The following ATP10B variants were observed in gnomAD, a reference collection of about 807,000 sequenced individuals.
The protein encoded by ATP10B is phospholipid-transporting ATPase VB.
Under a neutral mutation model 141.2 loss-of-function variants are expected in ATP10B, and 122 were observed. The ratio of observed to expected loss-of-function variants is 0.86; its 90% CI spans 0.75 to 1.00. The LOEUF (loss-of-function observed/expected upper bound fraction) is 1.00. ATP10B is among the 50% of genes least tolerant of loss of function. The pLI is 0.00. For synonymous variants in ATP10B, 685 were observed against 692.0 expected (o/e 0.99, Z 0.16); for missense variants, 1,876 against 1,825.3 (o/e 1.03, Z -0.51).
At chr5:160,566,216 G>T (rs183543019) in intron 25 of ATP10B, among the ~76,000 whole-genome samples, 2 of 152,156 alleles carry the variant, frequency 1.3e-5, no homozygotes, top group African/African-American at 4.8e-5. Context: ...GAAACTGAGG[G>T]ACTGAGAGAT....
At chr5:160,879,754 CG>C in the ATP10B span, among the ~76,000 whole-genome samples, 1 of 152,032 alleles carries the variant, frequency 6.6e-6, no homozygotes, top group Non-Finnish European at 1.5e-5. Context: ...AGGGGAATGG[CG>C]TGAACCCAGG....
the ATP10B span, among the ~76,000 whole-genome samples, chr5:160,901,277 C>G: frequency 6.6e-6 from 1 of 152,150 alleles, no homozygotes; most frequent in East Asian, 1.9e-4. Flanking sequence ...CCTTTAAAAT[C>G]TGTCATTGTT....
chr5:160,774,960 G>A lies in ATP10B; in HGVS notation c.-331+10599C>T, dbSNP rs143812009. ...AAGCCAGCAAATGGGGAAAAATCAT[G>A]CTGCTAGTATTTTACTTATGCCAGC... is the stretch of plus-strand genomic sequence containing the variant. On this transcript the variant is annotated intron_variant, in intron 2 of 25. Coordinates refer to ENST00000327245, the MANE Select transcript of ATP10B (RefSeq NM_025153.3). 1.3e-3 allele frequency among the ~76,000 whole-genome samples: 205 copies of A among 152,314 alleles called. 1 individual carries two copies. Among genetic ancestry groups the A allele is most frequent in the African/African-American group, 4.8e-3 (200 of 41,564 alleles).
At chr5:160,576,018 C>T (rs955656162) in intron 24 of ATP10B, among the ~76,000 whole-genome samples, 1 of 152,172 alleles carries the variant, frequency 6.6e-6, no homozygotes, top group African/African-American at 2.4e-5. Context: ...AAACAACTGG[C>T]TCAGCAACCA....
chr5:160,671,032 G>A (rs1762662132), intron 6 of ATP10B, among the ~76,000 whole-genome samples: 1 of 151,782 alleles, frequency 6.6e-6, no homozygotes, highest in Non-Finnish European at 1.5e-5. Context: ...GGGTGTGGTG[G>A]TGCGTGCCTG....
chr5:160,744,577 T>C lies in ATP10B; in HGVS notation c.-330-27543A>G, dbSNP rs560511569. ...AAATACAAGAAAATTTGGGTCTGTT[T>C]GTTCCTAACCACAACTAACAACTGG... On this transcript the variant is annotated intron_variant, in intron 2 of 25. Coordinates refer to ENST00000327245, the MANE Select transcript of ATP10B (RefSeq NM_025153.3). Among the ~76,000 whole-genome samples, 5 of 152,354 alleles carry C rather than the reference T, an allele frequency of 3.3e-5. No homozygotes were observed. The South Asian group carries it at 1.0e-3, about 32-fold the overall frequency.
At chr5:160,852,743 C>A (rs894672228), upstream of ATP10B, among the ~76,000 whole-genome samples, 1 of 152,026 alleles carries the variant, frequency 6.6e-6, no homozygotes, top group Admixed American at 6.6e-5. Flanking sequence ...TCGATTCATA[C>A]CCTAAAATGA....
At chr5:160,649,039 C>T (rs1172612463) in intron 8 of ATP10B, 132 bp downstream of exon 8, 1 of 477,888 alleles carries the variant, frequency 2.1e-6, no homozygotes. Context: ...TTTCTCTAGT[C>T]CCTCTTTATC....
chr5:160,576,785 T>C (rs1027180235), intron 24 of ATP10B, among the ~76,000 whole-genome samples: 4 of 152,154 alleles, frequency 2.6e-5, no homozygotes, highest in African/African-American at 4.8e-5. Flanking sequence ...GGTCTAAGTA[T>C]GAAGTAGGAA....
intron 16 of ATP10B, among the ~76,000 whole-genome samples, chr5:160,617,103 G>A (rs1758064752): frequency 6.6e-6 from 1 of 152,186 alleles, no homozygotes; most frequent in Admixed American, 6.5e-5. Context: ...AACCATAAAA[G>A]ACATGAAAAG....
At chr5:160,573,459 C>G (rs1256943697) in intron 24 of ATP10B, among the ~76,000 whole-genome samples, 1 of 152,182 alleles carries the variant, frequency 6.6e-6, no homozygotes, top group African/African-American at 2.4e-5. Flanking sequence ...AGAGGGGTCC[C>G]CAGCTCCTGG....
chr5:160,804,051 T>C (rs1772595746), intron 1 of ATP10B, among the ~76,000 whole-genome samples: 1 of 152,100 alleles, frequency 6.6e-6, no homozygotes, highest in African/African-American at 2.4e-5. Flanking sequence ...CAGAGCAGAT[T>C]CAGTGCAAAA....
At chr5:160,794,001 G>C (rs945149106) in intron 1 of ATP10B, among the ~76,000 whole-genome samples, 3 of 152,182 alleles carry the variant, frequency 2.0e-5, no homozygotes, top group Non-Finnish European at 4.4e-5. Flanking sequence ...AGTACACTCT[G>C]TGATGTTAGT....
chr5:160,599,015 GC>G, intron 21 of ATP10B, 45 bp from the exon 22 acceptor site: 1 of 1,592,002 alleles, frequency 6.3e-7, no homozygotes, highest in Non-Finnish European at 8.6e-7. Flanking sequence ...TCCATGTGCA[GC>G]CGGTCACCAG....
At chr5:160,732,720 T>C (rs956100891) in intron 2 of ATP10B, among the ~76,000 whole-genome samples, 1 of 152,230 alleles carries the variant, frequency 6.6e-6, no homozygotes, top group Non-Finnish European at 1.5e-5. Context: ...TATTTTGAAG[T>C]CAGGTAGTGG....
the ATP10B span, among the ~76,000 whole-genome samples, chr5:160,898,396 G>T: frequency 6.6e-6 from 1 of 152,194 alleles, no homozygotes; most frequent in Non-Finnish European, 1.5e-5. Flanking sequence ...ATGAAAAAAA[G>T]CTCATAATCA....
Position 160,598,764 on chromosome 5 carries a change from C to G in ATP10B, c.3564+6G>C. Reference sequence around the variant, plus strand: ...TCACCTCCCTTTGGCTGCCCGATCTCCTTACCTCAGAGTTCTGGCCACTCT... The same window carrying G: ...TCACCTCCCTTTGGCTGCCCGATCTGCTTACCTCAGAGTTCTGGCCACTCT... On this transcript the variant is annotated splice_donor_region_variant and intron_variant, in intron 22 of 25. Coordinates refer to ENST00000327245, the MANE Select transcript of ATP10B (RefSeq NM_025153.3). The G allele has an allele frequency of 1.2e-6, 2 of 1,613,868 alleles. No individual in the cohort carries two copies. Among genetic ancestry groups the G allele is most frequent in the Non-Finnish European group, 1.7e-6 (2 of 1,179,880 alleles).
intron 7 of ATP10B, among the ~76,000 whole-genome samples, chr5:160,667,017 G>A (rs1399144047): frequency 6.6e-6 from 1 of 152,072 alleles, no homozygotes; most frequent in Admixed American, 6.5e-5. Context: ...AGGAAATCGA[G>A]ACCATCCTGG....
At chr5:160,878,792 T>C in the ATP10B span, among the ~76,000 whole-genome samples, 3 of 151,660 alleles carry the variant, frequency 2.0e-5, no homozygotes, top group African/African-American at 2.4e-5. Context: ...GAAATGCTCA[T>C]CATCACTGGC....
Sources: gnomAD v4.1 joint callset for allele counts (sites outside exome capture counted in the v4.1 genomes callset) on GRCh38, gnomAD v4.1.1 for gene constraint, MANE v1.5 for transcripts, NCBI Gene and HGNC (gene_info 2026-07-23, HGNC 2026-07-21) for gene names.